The following CELF2 variants were observed in gnomAD, a reference collection of about 807,000 sequenced individuals.
The protein encoded by CELF2 is CUGBP Elav-like family member 2.
A neutral mutation model predicts 62.6 loss-of-function variants in CELF2; 8 were observed. That is an observed-to-expected ratio of 0.13 (90% confidence interval 0.07 to 0.23). CELF2 has a LOEUF of 0.23. Among genes scored for constraint, CELF2 ranks in the 10% least tolerant of loss-of-function variants. The pLI, the probability that CELF2 is intolerant of heterozygous loss-of-function variation, is 1.00. For synonymous variants in CELF2, 258 were observed against 250.0 expected (o/e 1.03, Z -0.30); for missense variants, 333 against 671.0 (o/e 0.50, Z 5.56).
intron 1 of CELF2, among the ~76,000 whole-genome samples, chr10:10,862,046 A>T (rs2133135887): frequency 6.6e-6 from 1 of 152,332 alleles, no homozygotes; most frequent in South Asian, 2.1e-4. Flanking sequence ...ATATTAACAT[A>T]TGACTGTTAT....
At chr10:10,781,386 A>G in the CELF2 span, among the ~76,000 whole-genome samples, 1 of 152,198 alleles carries the variant, frequency 6.6e-6, no homozygotes, top group Non-Finnish European at 1.5e-5. Flanking sequence ...AGACTGGTTA[A>G]TTTATAAAGG....
At chr10:10,684,691 T>C in the CELF2 span, among the ~76,000 whole-genome samples, 1 of 151,944 alleles carries the variant, frequency 6.6e-6, no homozygotes, top group Non-Finnish European at 1.5e-5. Context: ...CTGCAGTGAG[T>C]CGAGATTACA....
At chr10:10,529,456 G>A in the CELF2 span, among the ~76,000 whole-genome samples, 125 of 152,252 alleles carry the variant, frequency 8.2e-4, no homozygotes, top group Middle Eastern at 6.8e-3. Context: ...GGAGGCCAAC[G>A]TGGGCGGATC....
At chr10:10,475,448 A>G in the CELF2 span, among the ~76,000 whole-genome samples, 4 of 149,554 alleles carry the variant, frequency 2.7e-5, no homozygotes, top group South Asian at 8.6e-4. Context: ...TATTGGCAGA[A>G]TTGTTTGAGC....
At chr10:10,965,870 C>T (rs1251160585) in intron 2 of CELF2, among the ~76,000 whole-genome samples, 1 of 152,168 alleles carries the variant, frequency 6.6e-6, no homozygotes, top group Non-Finnish European at 1.5e-5. Flanking sequence ...ACAGTTATTA[C>T]CCAACTTATG....
chr10:11,251,270 A>ATTTTTT (rs66615560), intron 4 of CELF2, among the ~76,000 whole-genome samples: 25 of 63,294 alleles, frequency 3.9e-4, no homozygotes, highest in Admixed American at 2.7e-4. Flanking sequence ...ACACAAAGGG[A>ATTTTTT]TTTTTTTTTT....
intron 2 of CELF2, chr10:10,937,589 G>A (rs369265017): frequency 2.8e-4 from 42 of 152,250 alleles, no homozygotes; most frequent in Middle Eastern, 3.4e-3. Flanking sequence ...CTTGAGAAAG[G>A]CAATATTCTG....
At chr10:10,902,037 A>C (rs1403720652) in intron 1 of CELF2, among the ~76,000 whole-genome samples, 4 of 152,230 alleles carry the variant, frequency 2.6e-5, no homozygotes, top group Non-Finnish European at 5.9e-5. Flanking sequence ...AGCTACCACT[A>C]TCCATATTTT....
At chr10:11,004,635 C>T (rs993954202), upstream of CELF2, among the ~76,000 whole-genome samples, 1 of 152,180 alleles carries the variant, frequency 6.6e-6, no homozygotes, top group Non-Finnish European at 1.5e-5. The surrounding 1 kb of genome is among the most constrained non-coding windows in gnomAD (Gnocchi z 5.0). Context: ...TCCAGTGCCA[C>T]CAAACAATCT....
At chr10:10,704,910 T>C in the CELF2 span, among the ~76,000 whole-genome samples, 1 of 146,006 alleles carries the variant, frequency 6.8e-6, no homozygotes, top group Admixed American at 6.8e-5. Context: ...TTTTTTTTTC[T>C]GGGCATGGTG....
the CELF2 span, among the ~76,000 whole-genome samples, chr10:10,692,417 T>C: frequency 6.7e-6 from 1 of 149,496 alleles, no homozygotes; most frequent in African/African-American, 2.5e-5. Context: ...TGTAGCCTTG[T>C]AGTATAGTTT....
intron 1 of CELF2, among the ~76,000 whole-genome samples, chr10:10,885,103 C>T (rs2061670650): frequency 6.6e-6 from 1 of 151,892 alleles, no homozygotes; most frequent in South Asian, 2.1e-4. Context: ...ATTAGCTGAG[C>T]GTGGTGGTGT....
intron 1 of CELF2, among the ~76,000 whole-genome samples, chr10:11,045,561 C>T (rs550557815): frequency 6.6e-6 from 1 of 152,178 alleles, no homozygotes; most frequent in Non-Finnish European, 1.5e-5. Context: ...ATGAAATGCT[C>T]AATAAATGTT....
chr10:11,013,976 A>G (rs2056870213), upstream of CELF2, among the ~76,000 whole-genome samples: 1 of 152,206 alleles, frequency 6.6e-6, no homozygotes, highest in South Asian at 2.1e-4. This position sits in a 1 kb window ranked among gnomAD's most constrained non-coding sequence, Gnocchi z 4.1. Context: ...AAAGTCAGAT[A>G]TTCTCTCAGG....
At chr10:10,810,036 G>C (rs2055684491) in intron 1 of CELF2, among the ~76,000 whole-genome samples, 1 of 152,118 alleles carries the variant, frequency 6.6e-6, no homozygotes, top group African/African-American at 2.4e-5. Flanking sequence ...ATTTACATAA[G>C]TGCATATTTC....
At chr10:11,017,180 T>C (rs1015917352), upstream of CELF2, among the ~76,000 whole-genome samples, 1 of 152,250 alleles carries the variant, frequency 6.6e-6, no homozygotes, top group African/African-American at 2.4e-5. The surrounding 1 kb of genome is among the most constrained non-coding windows in gnomAD (Gnocchi z 5.5). Context: ...CTTAAGTGGA[T>C]ATTTAAGCTT....
intron 1 of CELF2, among the ~76,000 whole-genome samples, chr10:11,041,343 G>C (rs765217317): frequency 4.6e-5 from 7 of 152,086 alleles, no homozygotes; most frequent in Non-Finnish European, 7.4e-5. Flanking sequence ...AAGATCCCGA[G>C]AGAGAGAGGG....
chr10:10,984,989 C>A (rs948415611), intron 2 of CELF2, among the ~76,000 whole-genome samples: 4 of 152,028 alleles, frequency 2.6e-5, no homozygotes, highest in Non-Finnish European at 5.9e-5. Context: ...ATTCTATTGA[C>A]GAATGTTTCA....
At chr10:11,291,606 T>C (rs2092536532) in intron 9 of CELF2, among the ~76,000 whole-genome samples, 1 of 152,246 alleles carries the variant, frequency 6.6e-6, no homozygotes, top group South Asian at 2.1e-4. Context: ...CACGGGTCTT[T>C]TGAAGCCTAA....
Sources: gnomAD v4.1 joint callset for allele counts (sites outside exome capture counted in the v4.1 genomes callset) on GRCh38, gnomAD v4.1.1 for gene constraint, Gnocchi (gnomAD v3.1) non-coding constraint, MANE v1.5 for transcripts, NCBI Gene and HGNC (gene_info 2026-07-23, HGNC 2026-07-21) for gene names.